The following TSPAN5 variants were observed in gnomAD, a reference collection of about 807,000 sequenced individuals.
The protein encoded by TSPAN5 is tetraspanin-5.
Under a neutral mutation model 37.1 loss-of-function variants are expected in TSPAN5, and 10 were observed. The ratio of observed to expected loss-of-function variants is 0.27; its 90% CI spans 0.17 to 0.46. The LOEUF is 0.46. Among genes scored for constraint, TSPAN5 ranks in the 20% least tolerant of loss-of-function variants. TSPAN5 has a pLI of 1.00. For synonymous variants in TSPAN5, 110 were observed against 118.9 expected (o/e 0.93, Z 0.48); for missense variants, 195 against 326.6 (o/e 0.60, Z 3.11).
At chr4:98,483,435 A>G (rs1752890507) in intron 3 of TSPAN5, 1 of 152,284 alleles carries the variant, frequency 6.6e-6, no homozygotes, top group Non-Finnish European at 1.5e-5. Flanking sequence ...ATGACCCACA[A>G]TGAGTCAGGC....
chr4:98,545,584 C>T (rs948171100), intron 1 of TSPAN5, among the ~76,000 whole-genome samples: 1 of 151,904 alleles, frequency 6.6e-6, no homozygotes, highest in Non-Finnish European at 1.5e-5. Flanking sequence ...GGCTGGAGTC[C>T]AGTGGTGTGA....
At chr4:98,500,088 T>C (rs1753311505) in intron 2 of TSPAN5, 1 of 152,206 alleles carries the variant, frequency 6.6e-6, no homozygotes, top group Non-Finnish European at 1.5e-5. Context: ...ATCTCAGTAA[T>C]GTCTCCTTAA....
intron 2 of TSPAN5, among the ~76,000 whole-genome samples, chr4:98,500,646 C>T (rs1302855778): frequency 6.6e-6 from 1 of 152,170 alleles, no homozygotes; most frequent in Non-Finnish European, 1.5e-5. Context: ...TTGAGGGGAT[C>T]CAGAAGTCAG....
chr4:98,561,691 T>C (rs1240100258), intron 1 of TSPAN5, among the ~76,000 whole-genome samples: 1 of 152,154 alleles, frequency 6.6e-6, no homozygotes, highest in African/African-American at 2.4e-5. Flanking sequence ...GGGACACGGA[T>C]CCCAAAGTGT....
chr4:98,582,315 G>C (rs751925346), intron 1 of TSPAN5, among the ~76,000 whole-genome samples: 2 of 152,142 alleles, frequency 1.3e-5, no homozygotes, highest in Non-Finnish European at 2.9e-5. Context: ...TGGAGCTGAC[G>C]GCACAACAGG....
At chr4:98,609,858 A>T (rs1756139693) in intron 1 of TSPAN5, among the ~76,000 whole-genome samples, 1 of 152,154 alleles carries the variant, frequency 6.6e-6, no homozygotes, top group African/African-American at 2.4e-5. Context: ...GAGTTGAAGG[A>T]TTCTGAGCAG....
At chr4:98,504,488 C>G (rs1035396091) in intron 2 of TSPAN5, among the ~76,000 whole-genome samples, 5 of 152,180 alleles carry the variant, frequency 3.3e-5, no homozygotes, top group African/African-American at 1.2e-4. Flanking sequence ...TTCTCTGGTC[C>G]ATGGATTGGA....
chr4:98,509,635 T>C (rs1753561594), intron 1 of TSPAN5, among the ~76,000 whole-genome samples: 1 of 152,152 alleles, frequency 6.6e-6, no homozygotes. Flanking sequence ...CAGAAAGATT[T>C]CTCGTTTTAC....
chr4:98,544,106 G>A (rs1754418798), intron 1 of TSPAN5, among the ~76,000 whole-genome samples: 1 of 152,122 alleles, frequency 6.6e-6, no homozygotes, highest in Non-Finnish European at 1.5e-5. Context: ...CTTAAGCCCA[G>A]GAGTTCAGGG....
chr4:98,512,144 C>T (rs1385428726), intron 1 of TSPAN5, among the ~76,000 whole-genome samples: 9 of 151,864 alleles, frequency 5.9e-5, no homozygotes, highest in Non-Finnish European at 1.2e-4. Context: ...ACCTGGGAGG[C>T]GGAGGTTGCA....
chr4:98,509,384 C>T (rs1390631323), intron 1 of TSPAN5, among the ~76,000 whole-genome samples: 1 of 152,172 alleles, frequency 6.6e-6, no homozygotes, highest in Admixed American at 6.5e-5. Context: ...GGGACTTGGA[C>T]AGATGGCAGG....
At chr4:98,536,394 C>T (rs4699644) in intron 1 of TSPAN5, among the ~76,000 whole-genome samples, 118,455 of 152,128 alleles carry the variant, frequency 0.78, 46,913 homozygotes, top group African/African-American at 0.93. Flanking sequence ...CAGAGGAGCA[C>T]CTGCCAGATG....
intron 1 of TSPAN5, among the ~76,000 whole-genome samples, chr4:98,528,769 C>T (rs1754017544): frequency 6.6e-6 from 1 of 152,082 alleles, no homozygotes. Context: ...GTACATTTAC[C>T]AGCTATGCTC....
At chr4:98,487,744 T>C (rs1753004256) in intron 2 of TSPAN5, among the ~76,000 whole-genome samples, 1 of 152,152 alleles carries the variant, frequency 6.6e-6, no homozygotes, top group South Asian at 2.1e-4. Context: ...AAATCAAAGG[T>C]TACTTCCTCA....
intron 1 of TSPAN5, among the ~76,000 whole-genome samples, chr4:98,531,625 T>C (rs887677946): frequency 2.6e-5 from 4 of 152,222 alleles, no homozygotes; most frequent in African/African-American, 9.6e-5. Context: ...TTCTAGATCC[T>C]TGAGGAATCG....
At chr4:98,621,649 T>C (rs898356835) in intron 1 of TSPAN5, among the ~76,000 whole-genome samples, 4 of 152,266 alleles carry the variant, frequency 2.6e-5, no homozygotes, top group Admixed American at 2.0e-4. Context: ...ATAACAGGCG[T>C]GAGCCACTGC....
chr4:98,657,055 A>G (rs761218695), intron 1 of TSPAN5, among the ~76,000 whole-genome samples: 2 of 152,164 alleles, frequency 1.3e-5, no homozygotes, highest in Non-Finnish European at 2.9e-5. Context: ...TTTACTTTCT[A>G]TGGAAATGCG....
chr4:98,658,429 G>T lies in TSPAN5; in HGVS notation c.-203C>A. 3.1e-6 allele frequency: 1 copy of T among 326,804 alleles called. No individual in the cohort carries two copies. The highest frequency in any genetic ancestry group is 2.2e-5 in the African/African-American group (1 of 45,946). The allele number at this position is 326,804 out of a possible 1,614,324, so 20.2% of individuals were successfully genotyped here. A position where few individuals can be genotyped will look rare whatever the true frequency, so the allele number is the denominator to read the frequency against. On this transcript the variant is annotated 5_prime_UTR_variant, in exon 1 of 8. Coordinates refer to ENST00000305798, the MANE Select transcript of TSPAN5 (RefSeq NM_005723.4). ...CAGCCCCTCGCGCGCCGAGGCCGCC[G>T]GAGCCGGGGTGGCCGCGAGAAAGCA... is the stretch of plus-strand genomic sequence containing the variant.
At chr4:98,548,040 G>C (rs1042553482) in intron 1 of TSPAN5, among the ~76,000 whole-genome samples, 4 of 140,136 alleles carry the variant, frequency 2.9e-5, no homozygotes, top group Non-Finnish European at 6.2e-5. Context: ...AAAAGAAAAA[G>C]AAAAAAACAC....
Sources: gnomAD v4.1 joint callset for allele counts (sites outside exome capture counted in the v4.1 genomes callset) on GRCh38, gnomAD v4.1.1 for gene constraint, MANE v1.5 for transcripts, NCBI Gene and HGNC (gene_info 2026-07-23, HGNC 2026-07-21) for gene names.